CACNB4: variants seen among roughly 807,000 people sequenced by gnomAD.
CACNB4 encodes the protein calcium voltage-gated channel auxiliary subunit beta 4, also known as voltage-dependent L-type calcium channel subunit beta-4.
Under a neutral mutation model 71.2 loss-of-function variants are expected in CACNB4, and 32 were observed. The observed-to-expected ratio is 0.45, with a 90% CI of 0.34 to 0.60. CACNB4 has a LOEUF of 0.60. CACNB4 is among the 20% of genes least tolerant of loss of function. The pLI is 0.01. For synonymous variants in CACNB4, 231 were observed against 236.9 expected, an observed-to-expected ratio of 0.97 and a Z score of 0.23; for missense variants, 464 against 647.9, an observed-to-expected ratio of 0.72 and a Z score of 3.08.
Position 151,835,389 on chromosome 2 carries a change from G to C in CACNB4, c.*3730C>G, listed in dbSNP as rs1452549807. On this transcript the variant is annotated 3_prime_UTR_variant, in exon 14 of 14. Coordinates refer to ENST00000539935, the MANE Select transcript of CACNB4 (RefSeq NM_000726.5). ...ATCTATGTATTTAGCTTTGCAGCAA[G>C]GTTAGCCAGAATAGTGATAATTTTG... 6.6e-6 allele frequency: 1 copy of C among 151,856 alleles called. No individual in the cohort carries two copies. Among genetic ancestry groups the C allele is most frequent in the East Asian group, 1.9e-4 (1 of 5,190 alleles). 9.4% of individuals were successfully genotyped at this position (151,856 alleles called of 1,614,324 possible). A position where few individuals can be genotyped will look rare whatever the true frequency, so the allele number is the denominator to read the frequency against.
chr2:152,051,999 T>A (rs1685456642), intron 2 of CACNB4, among the ~76,000 whole-genome samples: 1 of 152,250 alleles, frequency 6.6e-6, no homozygotes, highest in Admixed American at 6.5e-5. Flanking sequence ...TCAGACATAG[T>A]GTTAGCATAA....
chr2:151,879,745 C>T (rs2099847356), intron 4 of CACNB4: 1 of 152,208 alleles, frequency 6.6e-6, no homozygotes, highest in South Asian at 2.1e-4. Flanking sequence ...CTCAATGTCA[C>T]ATCAAACTGC....
At chr2:152,019,230 G>T (rs6433777) in intron 2 of CACNB4, among the ~76,000 whole-genome samples, 108,720 of 152,094 alleles carry the variant, frequency 0.71, 39,966 homozygotes, top group Middle Eastern at 0.86. Flanking sequence ...ACACTTCTTT[G>T]CCTTCAGTAA....
intron 2 of CACNB4, among the ~76,000 whole-genome samples, chr2:151,897,412 T>TTA (rs1399922702): frequency 6.6e-6 from 1 of 152,184 alleles, no homozygotes; most frequent in African/African-American, 2.4e-5. Context: ...AAACCTTGGA[T>TTA]TTTCTCTTCC....
In CACNB4 at chr2:152,098,682, C is replaced by T. The variant is rs994662296; in HGVS notation, c.63+267G>A. The T allele has an allele frequency of 4.5e-6, 7 of 1,565,714 alleles. No individual in the cohort carries two copies. In the South Asian group the frequency reaches 8.2e-5, roughly 18 times the overall value. On this transcript the variant is annotated intron_variant, in intron 1 of 13. Coordinates refer to ENST00000539935, the MANE Select transcript of CACNB4 (RefSeq NM_000726.5). The surrounding 1 kb of genome is among the most constrained non-coding windows in gnomAD (Gnocchi z 5.3). ...GACTCTCAGGGTGCGGGGTCCGAGT[C>T]CCCGGCATCCGCTGGGGGAGGCTGC...
intron 2 of CACNB4, among the ~76,000 whole-genome samples, chr2:151,997,646 C>T (rs1330636562): frequency 6.6e-6 from 1 of 152,190 alleles, no homozygotes; most frequent in African/African-American, 2.4e-5. Context: ...TCACGGAATG[C>T]TAACGGCCAC....
Position 151,838,375 on chromosome 2 carries a change from G to A in CACNB4, c.*744C>T, listed in dbSNP as rs909581379. On this transcript the variant is annotated 3_prime_UTR_variant, in exon 14 of 14. Transcript: ENST00000539935. The stretch of plus-strand genomic sequence containing the variant: ...ATTTGTTTTTGCCAACTTCAAATGA[G>A]CTAACAGTACTGACCAAACAAAAAG... The A allele has an allele frequency of 6.6e-6, 1 of 152,558 alleles. No homozygotes were observed. Among genetic ancestry groups the A allele is most frequent in the African/African-American group, 2.4e-5 (1 of 41,420 alleles). 9.5% of individuals were successfully genotyped at this position (152,558 alleles called of 1,614,324 possible).
chr2:152,031,184 A>T (rs1215923007), intron 2 of CACNB4, among the ~76,000 whole-genome samples: 1 of 152,208 alleles, frequency 6.6e-6, no homozygotes, highest in East Asian at 1.9e-4. Context: ...TTTCAGTTTT[A>T]GCACCTAATA....
chr2:152,001,905 A>G (rs1682444816), intron 2 of CACNB4, among the ~76,000 whole-genome samples: 1 of 152,184 alleles, frequency 6.6e-6, no homozygotes, highest in Admixed American at 6.5e-5. Context: ...CAATGCAAAA[A>G]TAGCAGGGAG....
intron 2 of CACNB4, among the ~76,000 whole-genome samples, chr2:151,986,030 T>C (rs984206513): frequency 2.0e-5 from 3 of 152,190 alleles, no homozygotes; most frequent in Non-Finnish European, 4.4e-5. Flanking sequence ...CTACCCTAGT[T>C]AGGTATCATA....
At chr2:151,890,666 T>C (rs1276352471) in intron 2 of CACNB4, among the ~76,000 whole-genome samples, 2 of 152,242 alleles carry the variant, frequency 1.3e-5, no homozygotes, top group Non-Finnish European at 2.9e-5. Flanking sequence ...CATTCCTCAG[T>C]ATTTTGTTAA....
At chr2:151,908,624 A>AC (rs2099855380) in intron 2 of CACNB4, among the ~76,000 whole-genome samples, 1 of 152,238 alleles carries the variant, frequency 6.6e-6, no homozygotes, top group African/African-American at 2.4e-5. Flanking sequence ...TCATCTGTAG[A>AC]TAAAAAGCCA....
rs566031588 is a variant in CACNB4 at position 151,871,075 on chromosome 2, A to G, written c.599-214T>C. The G allele has an allele frequency of 1.2e-5, 7 of 580,756 alleles. No individual in the cohort carries two copies. In the South Asian group the frequency reaches 1.5e-4, roughly 12 times the overall value. The allele number at this position is 580,756 out of a possible 1,614,324, so 36.0% of individuals were successfully genotyped here. A position where few individuals can be genotyped will look rare whatever the true frequency, so the allele number is the denominator to read the frequency against. On this transcript the variant is annotated intron_variant, in intron 6 of 13. Transcript: ENST00000539935. ...ACAGACAGCTTCCTCCCTGGTACAAATGACCTTATATCCTGATTTCTCACT... is the reference window on the plus strand; with the variant it reads ...ACAGACAGCTTCCTCCCTGGTACAAGTGACCTTATATCCTGATTTCTCACT...
chr2:151,884,389 C>T (rs1411000893), intron 2 of CACNB4, among the ~76,000 whole-genome samples: 4 of 149,698 alleles, frequency 2.7e-5, no homozygotes, highest in South Asian at 2.1e-4. Flanking sequence ...TTTGGGAGGC[C>T]GAGGTGGGAG....
intron 2 of CACNB4, among the ~76,000 whole-genome samples, chr2:151,933,937 A>G: frequency 6.6e-6 from 1 of 152,246 alleles, no homozygotes; most frequent in East Asian, 1.9e-4. Context: ...CTGCAGTCTC[A>G]TGGCTATAGA....
intron 2 of CACNB4, among the ~76,000 whole-genome samples, chr2:151,980,686 T>C (rs2099874553): frequency 6.6e-6 from 1 of 152,152 alleles, no homozygotes; most frequent in Non-Finnish European, 1.5e-5. Context: ...CAAAGTGAAA[T>C]ATGGGTATTT....
chr2:151,949,200 A>C (rs1229557623), intron 2 of CACNB4, among the ~76,000 whole-genome samples: 1 of 80,150 alleles, frequency 1.2e-5, no homozygotes, highest in Admixed American at 1.2e-4. Context: ...AATAGGTAAC[A>C]AAAAAAAAAA....
At chr2:152,016,232 A>G (rs1262937959) in intron 2 of CACNB4, among the ~76,000 whole-genome samples, 1 of 152,260 alleles carries the variant, frequency 6.6e-6, no homozygotes. Context: ...CAAAATTGTT[A>G]AAATTATTAA....
chr2:151,947,207 G>A (rs1328579540), intron 2 of CACNB4, among the ~76,000 whole-genome samples: 3 of 152,206 alleles, frequency 2.0e-5, no homozygotes, highest in African/African-American at 7.2e-5. Context: ...GGGTCACCCA[G>A]GTGAAACAAC....
Sources: gnomAD v4.1 joint callset for allele counts (sites outside exome capture counted in the v4.1 genomes callset) on GRCh38, gnomAD v4.1.1 for gene constraint, Gnocchi (gnomAD v3.1) non-coding constraint, MANE v1.5 for transcripts, NCBI Gene and HGNC (gene_info 2026-07-23, HGNC 2026-07-21) for gene names.